Variants in GABRB1 observed in about 807,000 individuals in gnomAD.
GABRB1 encodes gamma-aminobutyric acid receptor subunit beta-1.
GABRB1 carries 17 observed loss-of-function variants against 51.6 expected under a neutral mutation model. That is an observed-to-expected ratio of 0.33 (90% CI 0.23 to 0.49). GABRB1 has a LOEUF of 0.49. GABRB1 is among the 20% of genes least tolerant of loss of function. GABRB1 has a pLI of 0.99. For synonymous variants in GABRB1, 247 were observed against 218.9 expected (o/e 1.13, Z -1.14); for missense variants, 410 against 600.6 (o/e 0.68, Z 3.32).
At chr4:47,345,261 AAG>A (rs1289926252) in intron 5 of GABRB1, among the ~76,000 whole-genome samples, 2 of 152,202 alleles carry the variant, frequency 1.3e-5, no homozygotes, top group Non-Finnish European at 2.9e-5. Flanking sequence ...GCACTATGCT[AAG>A]ATGACAACAG....
chr4:47,110,663 C>T (rs1160906282), intron 3 of GABRB1, among the ~76,000 whole-genome samples: 1 of 152,128 alleles, frequency 6.6e-6, no homozygotes, highest in Admixed American at 6.5e-5. Context: ...ATTTAATTTT[C>T]ACTCAATTAA....
chr4:47,047,943 A>G (rs557571524), intron 3 of GABRB1, among the ~76,000 whole-genome samples: 4 of 152,152 alleles, frequency 2.6e-5, no homozygotes, highest in Non-Finnish European at 5.9e-5. Context: ...GGAACTACTA[A>G]CAGTAGTTGG....
In GABRB1 at chr4:47,180,087, C is replaced by A. The variant is rs143131235; in HGVS notation, c.461+18618C>A. Among the ~76,000 whole-genome samples, 452 of 151,842 alleles carry A rather than the reference C, an allele frequency of 3.0e-3. 2 individuals carry two copies. The highest frequency in any genetic ancestry group is 9.3e-3 in the African/African-American group (387 of 41,454). On this transcript the variant is annotated intron_variant, in intron 4 of 8. Coordinates refer to ENST00000295454, the MANE Select transcript of GABRB1 (RefSeq NM_000812.4). ...ATGTCAATCTCTTTGAACAGATACA[C>A]AAAATAGTAGCACAGCAGCACAGGC...
intron 4 of GABRB1, among the ~76,000 whole-genome samples, chr4:47,306,429 T>A (rs1724473452): frequency 1.4e-5 from 2 of 139,774 alleles, no homozygotes; most frequent in East Asian, 2.1e-4. Flanking sequence ...AGGGTAGAGA[T>A]AGGAGGAAGG....
chr4:47,416,360 A>C (rs1403527169), intron 8 of GABRB1, among the ~76,000 whole-genome samples: 3 of 152,210 alleles, frequency 2.0e-5, no homozygotes, highest in Non-Finnish European at 2.9e-5. Context: ...TTGGACTAGA[A>C]TAAGAAATTT....
intron 4 of GABRB1, among the ~76,000 whole-genome samples, chr4:47,308,999 A>T (rs2109949128): frequency 6.6e-6 from 1 of 152,254 alleles, no homozygotes; most frequent in South Asian, 2.1e-4. Context: ...AAGATGCTTT[A>T]ATTTGAGAGG....
chr4:47,231,770 A>G (rs1721152845), intron 4 of GABRB1, among the ~76,000 whole-genome samples: 1 of 152,188 alleles, frequency 6.6e-6, no homozygotes, highest in African/African-American at 2.4e-5. Flanking sequence ...GCCTATTGTT[A>G]GAATTTATTT....
At chr4:47,061,419 G>T (rs1481796473) in intron 3 of GABRB1, among the ~76,000 whole-genome samples, 2 of 152,136 alleles carry the variant, frequency 1.3e-5, no homozygotes, top group African/African-American at 4.8e-5. Context: ...GGAAAAGAGG[G>T]CTGGTTGAGA....
chr4:47,043,814 T>A (rs190170256), intron 3 of GABRB1, among the ~76,000 whole-genome samples: 1 of 152,242 alleles, frequency 6.6e-6, no homozygotes, highest in African/African-American at 2.4e-5. Flanking sequence ...TAGAACTTGA[T>A]GTATTCAGCT....
chr4:47,102,737 G>T (rs1054746526), intron 3 of GABRB1, among the ~76,000 whole-genome samples: 6 of 151,980 alleles, frequency 3.9e-5, no homozygotes, highest in African/African-American at 1.4e-4. Context: ...GGAGGTGCCA[G>T]CACATGGAAA....
At chr4:47,222,126 A>G (rs1479934849) in intron 4 of GABRB1, among the ~76,000 whole-genome samples, 1 of 152,164 alleles carries the variant, frequency 6.6e-6, no homozygotes, top group African/African-American at 2.4e-5. Context: ...AAGAAAGCAA[A>G]GCATCATCTC....
At chr4:47,033,689 G>T (rs888010675) in intron 3 of GABRB1, among the ~76,000 whole-genome samples, 6 of 152,008 alleles carry the variant, frequency 3.9e-5, no homozygotes, top group African/African-American at 1.4e-4. Flanking sequence ...TTTAGGTTAT[G>T]TTAGGGTCGA....
chr4:47,157,493 TA>T (rs1300506778), intron 3 of GABRB1, among the ~76,000 whole-genome samples: 3 of 152,022 alleles, frequency 2.0e-5, no homozygotes, highest in Admixed American at 1.3e-4. Context: ...AAGGGACGGA[TA>T]AAAAAATTGT....
intron 4 of GABRB1, among the ~76,000 whole-genome samples, chr4:47,260,109 T>C (rs1246794639): frequency 6.6e-6 from 1 of 152,212 alleles, no homozygotes; most frequent in East Asian, 1.9e-4. Flanking sequence ...TGATCTTTGT[T>C]GGTTTAAAGT....
chr4:47,398,549 C>CATATATAT (rs34617428), intron 5 of GABRB1, among the ~76,000 whole-genome samples: 2 of 151,350 alleles, frequency 1.3e-5, no homozygotes, highest in African/African-American at 4.9e-5. Flanking sequence ...AATATCTTCT[C>CATATATAT]ATATATATAG....
chr4:47,042,835 C>T (rs938421251), intron 3 of GABRB1, among the ~76,000 whole-genome samples: 3 of 151,728 alleles, frequency 2.0e-5, no homozygotes, highest in Non-Finnish European at 4.4e-5. Flanking sequence ...CCATTATCTG[C>T]CTAGTCATTT....
At chr4:47,200,453 T>TA (rs1407769633) in intron 4 of GABRB1, among the ~76,000 whole-genome samples, 2 of 152,160 alleles carry the variant, frequency 1.3e-5, no homozygotes, top group African/African-American at 4.8e-5. Flanking sequence ...GGTTTATCAA[T>TA]AAATATATAG....
intron 4 of GABRB1, among the ~76,000 whole-genome samples, chr4:47,209,165 C>T (rs1392267133): frequency 6.6e-6 from 1 of 152,044 alleles, no homozygotes; most frequent in Non-Finnish European, 1.5e-5. Flanking sequence ...CTGCACTCAC[C>T]TAAAGATAGC....
intron 1 of GABRB1, among the ~76,000 whole-genome samples, chr4:47,007,895 A>T (rs4695188): frequency 0.17 from 2,830 of 17,018 alleles, 281 homozygotes; most frequent in Admixed American, 0.39. Context: ...TATATATATA[A>T]AATCAAGTTT....
Sources: gnomAD v4.1 joint callset for allele counts (sites outside exome capture counted in the v4.1 genomes callset) on GRCh38, gnomAD v4.1.1 for gene constraint, MANE v1.5 for transcripts, NCBI Gene and HGNC (gene_info 2026-07-23, HGNC 2026-07-21) for gene names.